Variants in PLA2G4A observed in about 807,000 individuals in gnomAD.
The protein encoded by PLA2G4A is phospholipase A2 group IVA, also known as cytosolic phospholipase A2.
A neutral mutation model predicts 81.9 loss-of-function variants in PLA2G4A; 40 were observed. That is an observed-to-expected ratio of 0.49 (90% confidence interval 0.38 to 0.64). The LOEUF (loss-of-function observed/expected upper bound fraction) is 0.64, where lower values mean the gene tolerates loss of function less well. PLA2G4A is among the 30% of genes least tolerant of loss of function. PLA2G4A has a pLI of 0.00. For missense variants in PLA2G4A, 715 were observed against 905.1 expected (o/e 0.79, Z 2.69); for synonymous variants, 302 against 296.9 (o/e 1.02, Z -0.18).
At chr1:186,976,769 G>T (rs1467518281) in intron 15 of PLA2G4A, among the ~76,000 whole-genome samples, 2 of 152,126 alleles carry the variant, frequency 1.3e-5, no homozygotes, top group Non-Finnish European at 2.9e-5. Flanking sequence ...TAATTTTGGG[G>T]GTGCTTACCC....
In PLA2G4A at chr1:186,830,406, G is replaced by A. The variant is rs541299218; in HGVS notation, c.-70+1371G>A. Among the ~76,000 whole-genome samples, 4 of 151,878 alleles carry A rather than the reference G, an allele frequency of 2.6e-5. No individual in the cohort carries two copies. In the East Asian group the frequency reaches 7.7e-4, roughly 29 times the overall value. On this transcript the variant is annotated intron_variant, in intron 1 of 17. Coordinates refer to ENST00000367466, the MANE Select transcript of PLA2G4A (RefSeq NM_024420.3). ...GTGGATCACTTGAGGGCAGGAGTTC[G>A]AGACCAGCCTGGCCAACGTGGTGAA...
chr1:186,851,543 G>A (rs904020048), intron 1 of PLA2G4A, among the ~76,000 whole-genome samples: 15 of 151,916 alleles, frequency 9.9e-5, no homozygotes, highest in African/African-American at 3.4e-4. Context: ...TTTGAATTTA[G>A]TTGGCACGAA....
intron 7 of PLA2G4A, among the ~76,000 whole-genome samples, chr1:186,920,350 C>T (rs1423697525): frequency 2.6e-5 from 4 of 152,164 alleles, no homozygotes. Flanking sequence ...CGAGCAGGTC[C>T]GTGGTAGGCA....
intron 10 of PLA2G4A, among the ~76,000 whole-genome samples, chr1:186,944,865 G>T (rs920799769): frequency 7.9e-5 from 12 of 152,098 alleles, no homozygotes. Context: ...TCCACATTGA[G>T]TGGGATAAAT....
At chr1:186,890,418 C>T (rs1654093511) in intron 3 of PLA2G4A, among the ~76,000 whole-genome samples, 1 of 152,170 alleles carries the variant, frequency 6.6e-6, no homozygotes. Flanking sequence ...AATACTTGCA[C>T]AGTTTGGGTC....
intron 16 of PLA2G4A, 72 bp downstream of exon 16, chr1:186,977,860 C>G: frequency 1.1e-6 from 1 of 935,466 alleles, no homozygotes; most frequent in Non-Finnish European, 1.8e-6. Flanking sequence ...TAAACTGTTT[C>G]ACTCTGTCAC....
At chr1:186,869,985 T>C (rs768493335) in intron 2 of PLA2G4A, among the ~76,000 whole-genome samples, 25 of 152,198 alleles carry the variant, frequency 1.6e-4, no homozygotes, top group Non-Finnish European at 3.1e-4. Flanking sequence ...CTTGGTTCCA[T>C]AGGGTTTTGA....
intron 17 of PLA2G4A, 121 bp downstream of exon 17, chr1:186,979,593 T>C (rs1364753871): frequency 2.8e-6 from 2 of 704,634 alleles, no homozygotes; most frequent in African/African-American, 1.8e-5. Context: ...ACCCAAAATA[T>C]GCCACTTTAC....
chr1:186,876,707 T>G (rs1653514788), intron 3 of PLA2G4A, among the ~76,000 whole-genome samples: 1 of 152,128 alleles, frequency 6.6e-6, no homozygotes, highest in Non-Finnish European at 1.5e-5. Flanking sequence ...GAGATTTTAC[T>G]GCTGTTCTCC....
intron 2 of PLA2G4A, 131 bp from the exon 3 acceptor site, chr1:186,870,304 C>A: frequency 1.4e-6 from 1 of 702,338 alleles, no homozygotes; most frequent in Non-Finnish European, 2.6e-6. Context: ...AAAGAAGCAG[C>A]CTTACATCAA....
At chr1:186,924,283 T>G (rs1655466849) in intron 7 of PLA2G4A, among the ~76,000 whole-genome samples, 2 of 152,226 alleles carry the variant, frequency 1.3e-5, no homozygotes, top group Admixed American at 1.3e-4. Context: ...TCTCCTTACC[T>G]TCACAAACGT....
At chr1:186,926,520 C>A (rs1481063589) in intron 7 of PLA2G4A, among the ~76,000 whole-genome samples, 1 of 152,204 alleles carries the variant, frequency 6.6e-6, no homozygotes, top group African/African-American at 2.4e-5. Flanking sequence ...GATCTCTTAA[C>A]TTTCCACATC....
intron 13 of PLA2G4A, among the ~76,000 whole-genome samples, chr1:186,954,239 A>G (rs1414268787): frequency 1.3e-5 from 2 of 152,166 alleles, no homozygotes; most frequent in Admixed American, 6.5e-5. Flanking sequence ...GCAAATATAT[A>G]CCATGGAATA....
intron 13 of PLA2G4A, among the ~76,000 whole-genome samples, chr1:186,951,795 C>G (rs372123245): frequency 6.6e-6 from 1 of 152,032 alleles, no homozygotes. Flanking sequence ...TGTTGTCTTG[C>G]GAACATTAAA....
At chr1:186,913,044 T>G (rs1350298030) in intron 7 of PLA2G4A, among the ~76,000 whole-genome samples, 2 of 148,662 alleles carry the variant, frequency 1.3e-5, no homozygotes, top group East Asian at 3.9e-4. Flanking sequence ...AATTAATAAA[T>G]GCAGGCAAAT....
At chr1:186,835,024 T>C (rs972125101) in intron 1 of PLA2G4A, among the ~76,000 whole-genome samples, 5 of 152,332 alleles carry the variant, frequency 3.3e-5, no homozygotes, top group African/African-American at 9.6e-5. Context: ...TACGCTTGAC[T>C]TAGTATACAT....
At chr1:186,834,387 C>CT (rs1187201948) in intron 1 of PLA2G4A, among the ~76,000 whole-genome samples, 1 of 150,872 alleles carries the variant, frequency 6.6e-6, no homozygotes, top group South Asian at 2.1e-4. Context: ...ACGTTTTTTT[C>CT]TTTTTTTTAA....
Position 186,979,348 on chromosome 1 carries a change from T to C in PLA2G4A, c.1994T>C (p.Ile665Thr). 1 of 1,612,216 alleles carries C rather than the reference T, an allele frequency of 6.2e-7. No homozygotes were observed. Among genetic ancestry groups the C allele is most frequent in the Non-Finnish European group, 8.5e-7 (1 of 1,178,224 alleles). The change falls in exon 17 of 18, where the codon ATC (isoleucine) becomes ACC (threonine). Residue 665 changes from isoleucine to threonine, a missense_variant. Ile to Thr is a moderately conservative substitution (Grantham distance 89). Transcript: ENST00000367466. ...VPRETEEEKEIADFDIFDDPE... is the reference protein window; with the variant it reads ...VPRETEEEKETADFDIFDDPE... ...AGGGAAACTGAGGAAGAGAAAGAAA[T>C]CGCTGACTTTGATATTTTTGATGAC...
At chr1:186,849,781 T>C (rs748019552) in intron 1 of PLA2G4A, among the ~76,000 whole-genome samples, 1 of 152,116 alleles carries the variant, frequency 6.6e-6, no homozygotes, top group African/African-American at 2.4e-5. Flanking sequence ...TGTTTTCTGA[T>C]TGCTTTCTAG....
Sources: gnomAD v4.1 joint callset for allele counts (sites outside exome capture counted in the v4.1 genomes callset) on GRCh38, gnomAD v4.1.1 for gene constraint, MANE v1.5 for transcripts, NCBI Gene and HGNC (gene_info 2026-07-23, HGNC 2026-07-21) for gene names.